Variants in NSMAF observed in about 807,000 individuals in gnomAD.
The protein encoded by NSMAF is neutral sphingomyelinase activation associated factor.
NSMAF carries 90 observed loss-of-function variants against 134.9 expected under a neutral mutation model. That is an observed-to-expected ratio of 0.67 (90% CI 0.56 to 0.79). The LOEUF is 0.79. NSMAF is among the 30% of genes least tolerant of loss of function. NSMAF has a pLI of 0.00. For synonymous variants in NSMAF, 358 were observed against 389.6 expected, an observed-to-expected ratio of 0.92 and a Z score of 0.96; for missense variants, 1,010 against 1,119.0, an observed-to-expected ratio of 0.90 and a Z score of 1.39.
intron 9 of NSMAF, among the ~76,000 whole-genome samples, chr8:58,612,834 C>T (rs992583237): frequency 8.5e-5 from 13 of 152,062 alleles, no homozygotes; most frequent in African/African-American, 3.1e-4. Context: ...CACTCTGAAA[C>T]CCTCAAGCAG....
At chr8:58,647,959 T>C (rs772950171) in intron 1 of NSMAF, among the ~76,000 whole-genome samples, 47 of 152,214 alleles carry the variant, frequency 3.1e-4, no homozygotes, top group Non-Finnish European at 3.1e-4. Context: ...CTGGAAGAGT[T>C]TGGGGGACTC....
chr8:58,608,220 A>C (rs1322835497), intron 10 of NSMAF, among the ~76,000 whole-genome samples: 1 of 152,170 alleles, frequency 6.6e-6, no homozygotes, highest in Non-Finnish European at 1.5e-5. Flanking sequence ...TTTTAGACAA[A>C]TAGTTTGCTT....
At chr8:58,645,753 A>C (rs1389995204) in intron 1 of NSMAF, among the ~76,000 whole-genome samples, 1 of 152,322 alleles carries the variant, frequency 6.6e-6, no homozygotes, top group South Asian at 2.1e-4. Flanking sequence ...TCAAAAAAAA[A>C]TAATAGGCCA....
chr8:58,645,470 G>C (rs1301841564), intron 1 of NSMAF, among the ~76,000 whole-genome samples: 1 of 152,118 alleles, frequency 6.6e-6, no homozygotes, highest in African/African-American at 2.4e-5. Flanking sequence ...CAGCCTCAGA[G>C]AAAAAGCCAG....
At position 58,595,582 on chromosome 8, in the gene NSMAF, C is replaced by T. The variant is rs781440282; in HGVS notation, c.1870G>A (p.Glu624Lys). 12 of 1,613,378 alleles carry T rather than the reference C, an allele frequency of 7.4e-6. No homozygotes were observed. Among genetic ancestry groups the T allele is most frequent in the East Asian group, 4.5e-5 (2 of 44,872 alleles). ...TACTCTTTGTGGATTTTATAGTGCT[C>T]GTGTAACTGCAGTTTGGTGATGTTA... ...WNNITKLQLH[E>K]HYKIHKEAVT... Residue 624 changes from glutamate to lysine, a missense_variant, in exon 22 of 31, where the codon GAG becomes AAG. Physicochemically the swap from Glu to Lys is moderately conservative, Grantham distance 56. Coordinates refer to ENST00000038176, the MANE Select transcript of NSMAF (RefSeq NM_003580.4).
intron 6 of NSMAF, 146 bp downstream of exon 6, chr8:58,631,350 G>T: frequency 2.3e-6 from 1 of 426,830 alleles, no homozygotes; most frequent in Non-Finnish European, 4.3e-6. Flanking sequence ...TGGCTCCCTT[G>T]GGTAATTTTG....
intron 9 of NSMAF, 143 bp from the exon 10 acceptor site, chr8:58,609,876 G>T: frequency 1.3e-6 from 1 of 751,038 alleles, no homozygotes; most frequent in Non-Finnish European, 2.1e-6. Flanking sequence ...AATATAAATT[G>T]ATTGCTTAGA....
intron 9 of NSMAF, among the ~76,000 whole-genome samples, chr8:58,617,166 G>A (rs1425642071): frequency 6.6e-6 from 1 of 152,012 alleles, no homozygotes; most frequent in East Asian, 1.9e-4. Context: ...AATTCAGGAT[G>A]GATTAAAGAC....
rs764372532 is a variant in NSMAF at position 58,590,884 on chromosome 8, T to C, written c.2002A>G (p.Ile668Val). Reference sequence around the variant, plus strand: ...GAACTCACCATATTTGAAAATGATATACTTCTTTGTAGCATTTTTGATTCT... The same window carrying C: ...GAACTCACCATATTTGAAAATGATACACTTCTTTGTAGCATTTTTGATTCT... ...SKESKMLQRS[I>V]SFSNMALSSC... Residue 668 changes from isoleucine to valine, a missense_variant, in exon 24 of 31, where the codon ATA becomes GTA. Coordinates refer to ENST00000038176, the MANE Select transcript of NSMAF (RefSeq NM_003580.4). 2 of 1,562,090 alleles carry C rather than the reference T, an allele frequency of 1.3e-6. No homozygotes were observed. The highest frequency in any genetic ancestry group is 1.1e-5 in the South Asian group (1 of 89,924).
At position 58,607,817 on chromosome 8, in the gene NSMAF, G is replaced by T; in HGVS notation, c.711C>A (p.Leu237=). The part of the protein sequence containing the change: ...GYPKPVVQIT[L]QDVRRIYKRR... The stretch of plus-strand genomic sequence containing the variant: ...TTTTGTAGATGCGGCGGACATCTTG[G>T]AGTGTTATCTGGACCACAGGTTTCT... The change falls in exon 11 of 31, where the codon CTC becomes CTA. Residue 237 remains leucine (L), a synonymous_variant. Coordinates refer to ENST00000038176, the MANE Select transcript of NSMAF (RefSeq NM_003580.4). 1 of 1,614,116 alleles carries T rather than the reference G, an allele frequency of 6.2e-7. No homozygotes were observed. The highest frequency in any genetic ancestry group is 8.5e-7 in the Non-Finnish European group (1 of 1,179,954).
At chr8:58,629,765 A>C (rs548919309) in intron 6 of NSMAF, among the ~76,000 whole-genome samples, 2 of 152,206 alleles carry the variant, frequency 1.3e-5, no homozygotes, top group Non-Finnish European at 2.9e-5. Context: ...TCTTCTCTGG[A>C]CTTATGCATG....
chr8:58,614,616 A>C (rs994568744), intron 9 of NSMAF, among the ~76,000 whole-genome samples: 1 of 152,212 alleles, frequency 6.6e-6, no homozygotes, highest in Non-Finnish European at 1.5e-5. Flanking sequence ...ACACCACTGT[A>C]AGCTTGCTTC....
intron 1 of NSMAF, among the ~76,000 whole-genome samples, chr8:58,645,807 A>T (rs1358932602): frequency 6.6e-6 from 1 of 152,058 alleles, no homozygotes; most frequent in African/African-American, 2.4e-5. Context: ...TCGGGAGGCC[A>T]AGGCGGGCGG....
intron 2 of NSMAF, among the ~76,000 whole-genome samples, chr8:58,636,668 T>C (rs1040683531): frequency 2.0e-5 from 3 of 152,208 alleles, no homozygotes; most frequent in Admixed American, 1.3e-4. Flanking sequence ...ACTTTGCTGT[T>C]ATAGGGAAAG....
At chr8:58,585,615 G>T in intron 30 of NSMAF, 37 bp downstream of exon 30, 1 of 1,434,368 alleles carries the variant, frequency 7.0e-7, no homozygotes, top group Non-Finnish European at 9.8e-7. Flanking sequence ...TCATTATCTT[G>T]AGAACAAAGA....
chr8:58,588,421 A>C (rs1413314197), intron 26 of NSMAF: 1 of 1,229,730 alleles, frequency 8.1e-7, no homozygotes, highest in Non-Finnish European at 1.2e-6. Flanking sequence ...AGCTCCTTAC[A>C]TGGGCTTTGG....
rs372268190 is a variant in NSMAF, at chr8:58,594,581, T to A, written c.1893-291A>T. ...TCTGGCAATTGGAAAACTCTTCTCC[T>A]TCTATTCCCCCTCGTTTGACCATCA... On this transcript the variant is annotated intron_variant, in intron 22 of 30. Transcript: ENST00000038176. The A allele has an allele frequency of 4.4e-5, 18 of 409,722 alleles. 1 individual carries two copies. The East Asian group carries it at 7.1e-4, about 16-fold the overall frequency. 25.4% of individuals were successfully genotyped at this position (409,722 alleles called of 1,614,324 possible).
chr8:58,646,054 A>T (rs1807445118), intron 1 of NSMAF, among the ~76,000 whole-genome samples: 1 of 151,380 alleles, frequency 6.6e-6, no homozygotes, highest in African/African-American at 2.4e-5. Context: ...AATCATCATC[A>T]TCATCATCAT....
chr8:58,634,796 A>C (rs1239595659), intron 5 of NSMAF, among the ~76,000 whole-genome samples: 2 of 152,234 alleles, frequency 1.3e-5, no homozygotes, highest in Non-Finnish European at 2.9e-5. Flanking sequence ...CACAAGGGTC[A>C]TAATGATACA....
Sources: gnomAD v4.1 joint callset for allele counts (sites outside exome capture counted in the v4.1 genomes callset) on GRCh38, gnomAD v4.1.1 for gene constraint, MANE v1.5 for transcripts, NCBI Gene and HGNC (gene_info 2026-07-23, HGNC 2026-07-21) for gene names.